NUMA1: variants seen among roughly 807,000 people sequenced by gnomAD.
NUMA1 encodes the protein SP-H antigen.
A neutral mutation model predicts 237.1 loss-of-function variants in NUMA1; 62 were observed. The observed-to-expected ratio is 0.26, with a 90% CI of 0.21 to 0.32. The LOEUF is 0.32. NUMA1 is among the 10% of genes least tolerant of loss of function. The probability of loss-of-function intolerance (pLI) is 1.00; values close to 1 mark genes in which losing one functional copy is unlikely to be tolerated. For synonymous variants in NUMA1, 1,028 were observed against 1,066.1 expected (o/e 0.96, Z 0.70); for missense variants, 2,533 against 2,666.5 (o/e 0.95, Z 1.10).
intron 2 of NUMA1, among the ~76,000 whole-genome samples, chr11:72,054,266 G>C (rs932158956): frequency 6.6e-6 from 1 of 152,074 alleles, no homozygotes; most frequent in Non-Finnish European, 1.5e-5. Context: ...AGGAGTTCGA[G>C]ACCAGCCTGG....
intron 22 of NUMA1, chr11:72,005,764 G>A (rs1955642773): frequency 7.8e-6 from 4 of 512,328 alleles, no homozygotes; most frequent in Middle Eastern, 4.8e-4. Flanking sequence ...CACCGCCTGA[G>A]AAGGGCATGG....
chr11:72,040,640 T>G (rs2135847356), intron 2 of NUMA1: 1 of 152,436 alleles, frequency 6.6e-6, no homozygotes, highest in South Asian at 2.1e-4. Context: ...AGCCCTCTCC[T>G]GAGCTGTCTC....
At chr11:72,031,953 G>C (rs1231140908) in intron 3 of NUMA1, among the ~76,000 whole-genome samples, 1 of 144,394 alleles carries the variant, frequency 6.9e-6, no homozygotes, top group Non-Finnish European at 1.5e-5. Context: ...AACATAGCAA[G>C]ACCCTTTCCC....
intron 16 of NUMA1, among the ~76,000 whole-genome samples, chr11:72,011,484 A>T (rs1010956137): frequency 2.6e-5 from 4 of 152,206 alleles, no homozygotes; most frequent in Admixed American, 6.5e-5. Context: ...GAGAGAACAT[A>T]ACAGCCCCAT....
At chr11:72,061,485 C>CTTTTTTT (rs767581846) in intron 2 of NUMA1, among the ~76,000 whole-genome samples, 1 of 117,318 alleles carries the variant, frequency 8.5e-6, no homozygotes, top group African/African-American at 3.2e-5. Context: ...TGTTTCTTTT[C>CTTTTTTT]TTTTTTTTTT....
intron 2 of NUMA1, chr11:72,065,668 T>G (rs1316202313): frequency 6.6e-6 from 1 of 152,234 alleles, no homozygotes; most frequent in African/African-American, 2.4e-5. Flanking sequence ...TATTTTTCAA[T>G]CAGGCTTAAA....
intron 15 of NUMA1, among the ~76,000 whole-genome samples, 161 bp downstream of exon 15, chr11:72,012,734 G>C (rs541735817): frequency 1.3e-5 from 2 of 152,266 alleles, no homozygotes; most frequent in African/African-American, 2.4e-5. Flanking sequence ...AGGGGCAACA[G>C]ACTTGAACTC....
chr11:72,031,295 C>CA (rs1036960773), intron 3 of NUMA1, among the ~76,000 whole-genome samples: 266 of 123,580 alleles, frequency 2.2e-3, no homozygotes, highest in Admixed American at 4.3e-3. Context: ...AGAGACATCT[C>CA]AAAAAAAAAA....
intron 2 of NUMA1, among the ~76,000 whole-genome samples, chr11:72,053,219 A>G (rs1383046677): frequency 1.3e-5 from 2 of 152,214 alleles, no homozygotes; most frequent in Non-Finnish European, 2.9e-5. Flanking sequence ...CTCCTCAACT[A>G]AAGTGAAGCT....
chr11:72,008,359 G>C, intron 20 of NUMA1: 2 of 406,938 alleles, frequency 4.9e-6, no homozygotes, highest in East Asian at 5.2e-5. Flanking sequence ...CTTAATAGTC[G>C]GTCTCCAATG....
At chr11:72,022,289 G>A in intron 7 of NUMA1, 50 bp downstream of exon 7, 2 of 1,259,836 alleles carry the variant, frequency 1.6e-6, no homozygotes, top group Non-Finnish European at 2.3e-6. Context: ...GTCAGGTGAG[G>A]TGAAGCATGG....
chr11:72,013,301 C>A lies in NUMA1; in HGVS notation c.4202G>T (p.Arg1401Leu), dbSNP rs200459440. The change falls in exon 15 of 27, where the codon CGG (arginine) becomes CTG (leucine). Residue 1401 changes from arginine (R) to leucine (L), a missense_variant. Arg to Leu is a moderately radical substitution (Grantham distance 102, BLOSUM62 -2). Around this residue, in one of 3 missense-constraint regions of NUMA1, gnomAD observed 324 missense variants for 407.6 expected, o/e 0.79. Transcript: ENST00000393695. This position sits in a 1 kb window ranked among gnomAD's most constrained non-coding sequence, Gnocchi z 6.8. ...AAGGLRAELLRAQRELGELIP... is the reference protein window; with the variant it reads ...AAGGLRAELLLAQRELGELIP... ...CAGCTCCCCAAGCTCCCGCTGGGCC[C>A]GCAGCAGCTCTGCCCGCAGTCCCCC... The A allele has an allele frequency of 1.9e-6, 3 of 1,604,728 alleles. No individual in the cohort carries two copies. Among genetic ancestry groups the A allele is most frequent in the Non-Finnish European group, 2.5e-6 (3 of 1,179,764 alleles).
chr11:72,053,107 T>C (rs1334390035), intron 2 of NUMA1, among the ~76,000 whole-genome samples: 4 of 152,188 alleles, frequency 2.6e-5, no homozygotes. Context: ...AAAATGGGAA[T>C]AATAATAGTA....
chr11:72,061,798 T>G (rs1942959694), intron 2 of NUMA1, among the ~76,000 whole-genome samples: 1 of 152,092 alleles, frequency 6.6e-6, no homozygotes, highest in Admixed American at 6.6e-5. Context: ...CCTTATTTAA[T>G]TTCATCTGGT....
rs897373873 is a variant in NUMA1 at position 72,003,213 on chromosome 11, C to T, written c.*314G>A. The T allele has an allele frequency of 6.4e-5, 29 of 450,962 alleles. No individual in the cohort carries two copies. Among genetic ancestry groups the T allele is most frequent in the African/African-American group, 5.3e-4 (27 of 51,298 alleles). 27.9% of individuals were successfully genotyped at this position (450,962 alleles called of 1,614,324 possible). On this transcript the variant is annotated 3_prime_UTR_variant, in exon 27 of 27. Coordinates refer to ENST00000393695, the MANE Select transcript of NUMA1 (RefSeq NM_006185.4). ...GAGGCTAAGAGGAAGACTGGCCAGG[C>T]CCAAGGACCCAGCCATCAAAACCAG... is the stretch of plus-strand genomic sequence containing the variant.
At chr11:72,021,312 G>A in intron 7 of NUMA1, 21 bp from the exon 8 acceptor site, 1 of 1,610,370 alleles carries the variant, frequency 6.2e-7, no homozygotes, top group Non-Finnish European at 8.5e-7. Context: ...GGGAGAAAAA[G>A]AGCATCACTT....
In NUMA1 at chr11:72,019,688, G is replaced by A. The variant is rs1418690321; in HGVS notation, c.461-71C>T. 7 of 1,532,920 alleles carry A rather than the reference G, an allele frequency of 4.6e-6. No homozygotes were observed. In the African/African-American group the frequency reaches 8.2e-5, roughly 18 times the overall value. The allele number at this position is 1,532,920 out of a possible 1,614,324, so 95.0% of individuals were successfully genotyped here. ...AAGGTGTAAAGATTTGCACCTTTAT[G>A]CAATTTGAGAACTCGCCTTAGTGGG... On this transcript the variant is annotated intron_variant, in intron 8 of 26. Coordinates refer to ENST00000393695, the MANE Select transcript of NUMA1 (RefSeq NM_006185.4).
At position 72,029,260 on chromosome 11, in the gene NUMA1, C is replaced by T. The variant is rs866186513; in HGVS notation, c.73G>A (p.Glu25Lys). 6.2e-7 allele frequency: 1 copy of T among 1,610,390 alleles called. No homozygotes were observed. The highest frequency in any genetic ancestry group is 1.7e-4 in the Middle Eastern group (1 of 6,054). Residue 25 changes from glutamate (E) to lysine (K), a missense_variant, in exon 4 of 27, where the codon GAG (glutamate) becomes AAG (lysine). Coordinates refer to ENST00000393695, the MANE Select transcript of NUMA1 (RefSeq NM_006185.4). ...VNSLHVADPV[E>K]AVLQLQDCSI... is the part of the protein sequence containing the mutation. ...CAGTCCTGGAGCTGCAGCACAGCCT[C>T]CACAGGGTCAGCCACGTGTAGACTG...
At chr11:72,029,352 C>A in intron 3 of NUMA1, 62 bp from the exon 4 acceptor site, 1 of 1,058,182 alleles carries the variant, frequency 9.5e-7, no homozygotes, top group Non-Finnish European at 1.4e-6. Context: ...GCTCCTTTTC[C>A]CAGAGGCTTA....
Sources: gnomAD v4.1 joint callset for allele counts (sites outside exome capture counted in the v4.1 genomes callset) on GRCh38, gnomAD v4.1.1 for gene constraint, gnomAD v4.1.1 regional missense constraint, Gnocchi (gnomAD v3.1) non-coding constraint, MANE v1.5 for transcripts, NCBI Gene and HGNC (gene_info 2026-07-23, HGNC 2026-07-21) for gene names.